TF: variants seen among roughly 807,000 people sequenced by gnomAD.
TF encodes the protein serotransferrin.
A neutral mutation model predicts 82.4 loss-of-function variants in TF; 55 were observed. That is an observed-to-expected ratio of 0.67 (90% CI 0.54 to 0.84). The LOEUF is 0.84. Among genes scored for constraint, TF ranks in the 40% least tolerant of loss-of-function variants. TF has a pLI of 0.00. For missense variants in TF, 737 were observed against 868.4 expected, an observed-to-expected ratio of 0.85 and a Z score of 1.90; for synonymous variants, 332 against 332.6, an observed-to-expected ratio of 1.00 and a Z score of 0.02.
chr3:133,763,530 C>A (rs965435540), intron 9 of TF, among the ~76,000 whole-genome samples: 2 of 151,994 alleles, frequency 1.3e-5, no homozygotes, highest in Admixed American at 6.6e-5. Flanking sequence ...TATTTTTGCC[C>A]ACTTACACAT....
the TF span, among the ~76,000 whole-genome samples, chr3:133,736,785 T>C: frequency 2.0e-5 from 3 of 152,108 alleles, no homozygotes; most frequent in Admixed American, 6.5e-5. Flanking sequence ...TAAATATATA[T>C]GCACCCAATA....
chr3:133,732,222 T>C, the TF span, among the ~76,000 whole-genome samples: 1 of 152,194 alleles, frequency 6.6e-6, no homozygotes, highest in African/African-American at 2.4e-5. Context: ...GAAGCAGGCA[T>C]TATTGAGAGG....
chr3:133,794,953 T>C lies in TF; in HGVS notation c.*16333T>C, dbSNP rs1020283711. On this transcript the variant is annotated 3_prime_UTR_variant, in exon 17 of 17. Coordinates refer to ENST00000402696, the MANE Select transcript of TF (RefSeq NM_001063.4). Reference sequence around the variant, plus strand: ...TTTGCAGCCAGCTTTAGGTCCTTTTTCCATGATTTGGAATAAAAGAGGCAA... The same window carrying C: ...TTTGCAGCCAGCTTTAGGTCCTTTTCCCATGATTTGGAATAAAAGAGGCAA... 6.6e-6 allele frequency: 1 copy of C among 152,258 alleles called. No individual in the cohort carries two copies. The highest frequency in any genetic ancestry group is 1.5e-5 in the Non-Finnish European group (1 of 68,044). The allele number at this position is 152,258 out of a possible 1,614,324, so 9.4% of individuals were successfully genotyped here.
chr3:133,795,142 A>T lies in TF; in HGVS notation c.*16522A>T, dbSNP rs1424669181. Reference sequence around the variant, plus strand: ...ATGGCCTATGGAGAAAACATCAGGTATTATAGAGATTCAGTTGTAGCAAAT... The same window carrying T: ...ATGGCCTATGGAGAAAACATCAGGTTTTATAGAGATTCAGTTGTAGCAAAT... On this transcript the variant is annotated 3_prime_UTR_variant, in exon 17 of 17. Transcript: ENST00000402696. 1 of 152,234 alleles carries T rather than the reference A, an allele frequency of 6.6e-6. No homozygotes were observed. The highest frequency in any genetic ancestry group is 1.5e-5 in the Non-Finnish European group (1 of 68,046). 9.4% of individuals were successfully genotyped at this position (152,234 alleles called of 1,614,324 possible).
rs1934515263 is a variant in TF at position 133,781,479 on chromosome 3, T to C, written c.*2859T>C. 1 of 152,028 alleles carries C rather than the reference T, an allele frequency of 6.6e-6. No individual in the cohort carries two copies. Among genetic ancestry groups the C allele is most frequent in the African/African-American group, 2.4e-5 (1 of 41,416 alleles). The allele number at this position is 152,028 out of a possible 1,614,324, so 9.4% of individuals were successfully genotyped here. ...AACAAGAATAAATAAAATGTATCATTTAGTAAATTAATAAAAGCTACATTT... is the reference window on the plus strand; with the variant it reads ...AACAAGAATAAATAAAATGTATCATCTAGTAAATTAATAAAAGCTACATTT... On this transcript the variant is annotated 3_prime_UTR_variant, in exon 17 of 17. Transcript: ENST00000402696.
the TF span, among the ~76,000 whole-genome samples, chr3:133,687,670 G>T: frequency 3.9e-5 from 6 of 152,238 alleles, no homozygotes; most frequent in African/African-American, 1.4e-4. Context: ...CATATAAATG[G>T]AATCATATCA....
At chr3:133,720,437 G>C in the TF span, among the ~76,000 whole-genome samples, 2 of 151,992 alleles carry the variant, frequency 1.3e-5, no homozygotes, top group Non-Finnish European at 2.9e-5. Context: ...TGCATTTCTG[G>C]GGTGAATCCC....
chr3:133,778,745 C>A lies in TF; in HGVS notation c.*125C>A. 1.1e-6 allele frequency: 1 copy of A among 888,344 alleles called. No individual in the cohort carries two copies. Among genetic ancestry groups the A allele is most frequent in the Non-Finnish European group, 1.8e-6 (1 of 556,948 alleles). 55.0% of individuals were successfully genotyped at this position (888,344 alleles called of 1,614,324 possible). A position where few individuals can be genotyped will look rare whatever the true frequency, so the allele number is the denominator to read the frequency against. On this transcript the variant is annotated 3_prime_UTR_variant, in exon 17 of 17. Coordinates refer to ENST00000402696, the MANE Select transcript of TF (RefSeq NM_001063.4). ...GTCTGTCTTCACAGCTCTGTGTTGC[C>A]ATGTGTGCTGAACAAAAAATAAAAA...
At chr3:133,769,580 T>A (rs2107928549) in intron 13 of TF, among the ~76,000 whole-genome samples, 1 of 152,278 alleles carries the variant, frequency 6.6e-6, no homozygotes, top group South Asian at 2.1e-4. Context: ...TAAAATTAAA[T>A]CAATATGTGG....
intron 12 of TF, among the ~76,000 whole-genome samples, chr3:133,767,475 C>T (rs1934155326): frequency 3.3e-5 from 5 of 152,178 alleles, no homozygotes; most frequent in Admixed American, 3.3e-4. Flanking sequence ...ACCACTTAGA[C>T]ATGAAGCAAA....
chr3:133,772,005 C>T (rs1225865452), intron 14 of TF, among the ~76,000 whole-genome samples: 1 of 152,090 alleles, frequency 6.6e-6, no homozygotes, highest in Admixed American at 6.6e-5. Flanking sequence ...TGAACCGGCT[C>T]AGCACCAGCC....
At chr3:133,735,412 C>G in the TF span, among the ~76,000 whole-genome samples, 19 of 151,482 alleles carry the variant, frequency 1.3e-4, no homozygotes, top group South Asian at 3.8e-3. Flanking sequence ...CAAAGGATTG[C>G]AACTCCTTGC....
chr3:133,663,438 G>T, the TF span, among the ~76,000 whole-genome samples: 1 of 148,562 alleles, frequency 6.7e-6, no homozygotes, highest in Non-Finnish European at 1.5e-5. Context: ...CTGGGGGAAG[G>T]GTGAAGAAAG....
chr3:133,668,606 A>G, the TF span, among the ~76,000 whole-genome samples: 2 of 151,962 alleles, frequency 1.3e-5, no homozygotes, highest in African/African-American at 4.8e-5. Context: ...GAGGGAAAAA[A>G]ACATGTCTGG....
the TF span, among the ~76,000 whole-genome samples, chr3:133,730,337 G>A: frequency 6.6e-6 from 1 of 152,176 alleles, no homozygotes; most frequent in African/African-American, 2.4e-5. Flanking sequence ...TTTCCCTCAG[G>A]AAGCCATAGG....
the TF span, among the ~76,000 whole-genome samples, chr3:133,674,118 G>C: frequency 2.0e-5 from 3 of 152,208 alleles, no homozygotes; most frequent in East Asian, 3.9e-4. Flanking sequence ...GGGTATATGA[G>C]AGCGCGTGCT....
chr3:133,737,004 A>C, the TF span, among the ~76,000 whole-genome samples: 8 of 152,194 alleles, frequency 5.3e-5, no homozygotes, highest in African/African-American at 1.7e-4. Context: ...ACCCCAAATC[A>C]ATAGAATATA....
At chr3:133,749,426 C>T (rs1933601233) in intron 2 of TF, among the ~76,000 whole-genome samples, 1 of 152,204 alleles carries the variant, frequency 6.6e-6, no homozygotes, top group Non-Finnish European at 1.5e-5. Context: ...TTGGTCCTTA[C>T]CCTCAGGGAG....
At position 133,754,431 on chromosome 3, in the gene TF, T is replaced by C. The variant is rs569967495; in HGVS notation, c.326-64T>C. On this transcript the variant is annotated intron_variant, in intron 3 of 16. Coordinates refer to ENST00000402696, the MANE Select transcript of TF (RefSeq NM_001063.4). ...CTCCCCTCCCTCCTCAAGAGTCCGG[T>C]GGTGATGAGCCATGTTTCCCTGCAC... The C allele has an allele frequency of 1.9e-6, 3 of 1,541,434 alleles. No homozygotes were observed. The African/African-American group carries it at 4.1e-5, about 21-fold the overall frequency.
Sources: allele counts gnomAD v4.1 joint callset (sites outside exome capture counted in the v4.1 genomes callset), GRCh38; gene constraint gnomAD v4.1.1; transcripts MANE v1.5; gene names NCBI Gene and HGNC (gene_info 2026-07-23, HGNC 2026-07-21).